Variants in CNTN6 observed in about 807,000 individuals in gnomAD.
CNTN6 encodes the protein contactin-6.
A neutral mutation model predicts 122.8 loss-of-function variants in CNTN6; 137 were observed. That is an observed-to-expected ratio of 1.12 (90% CI 0.97 to 1.29). The LOEUF (loss-of-function observed/expected upper bound fraction) is 1.29. Among genes scored for constraint, CNTN6 ranks in the 50% most tolerant of loss-of-function variants. The pLI is 0.00. For missense variants in CNTN6, 1,634 were observed against 1,223.4 expected (o/e 1.34, Z -5.01); for synonymous variants, 570 against 426.0 (o/e 1.34, Z -4.16).
intron 1 of CNTN6, among the ~76,000 whole-genome samples, chr3:1,104,732 A>T (rs1378713274): frequency 2.6e-5 from 4 of 152,076 alleles, no homozygotes; most frequent in Admixed American, 2.6e-4. Context: ...CCTTTCAGTC[A>T]TCTTGTATAT....
At position 1,297,911 on chromosome 3, in the gene CNTN6, A is replaced by G; in HGVS notation, c.681A>G (p.Pro227=). Residue 227 remains proline, a synonymous_variant, in exon 7 of 23, where the codon CCA becomes CCG. Coordinates refer to ENST00000446702, the MANE Select transcript of CNTN6 (RefSeq NM_001289080.2). ...CAGGTGTGATGGGGGAATATGAACC[A>G]AAGATTGAAGTGCGTTTTCCTGAAA... The part of the protein sequence containing the change: ...RTDGVMGEYE[P]KIEVRFPETI... The G allele has an allele frequency of 6.2e-7, 1 of 1,612,696 alleles. No individual in the cohort carries two copies.
chr3:1,282,823 A>G (rs185594198), intron 5 of CNTN6, among the ~76,000 whole-genome samples: 158 of 152,286 alleles, frequency 1.0e-3, no homozygotes, highest in African/African-American at 3.5e-3. Flanking sequence ...TTGGACACCT[A>G]TCTCAGAAGA....
chr3:1,403,843 T>C lies in CNTN6; in HGVS notation c.*425T>C, dbSNP rs1696026854. 2 of 152,432 alleles carry C rather than the reference T, an allele frequency of 1.3e-5. No individual in the cohort carries two copies. Among genetic ancestry groups the C allele is most frequent in the African/African-American group, 4.8e-5 (2 of 41,454 alleles). 9.4% of individuals were successfully genotyped at this position (152,432 alleles called of 1,614,324 possible). A position where few individuals can be genotyped will look rare whatever the true frequency, so the allele number is the denominator to read the frequency against. ...CTACTTCAAAATAAAATACAATTAT[T>C]TGTTTATAGTTGGGATTCTTTAAAA... On this transcript the variant is annotated 3_prime_UTR_variant, in exon 23 of 23. Coordinates refer to ENST00000446702, the MANE Select transcript of CNTN6 (RefSeq NM_001289080.2).
chr3:1,186,935 A>T (rs2093636263), intron 2 of CNTN6, among the ~76,000 whole-genome samples: 1 of 151,908 alleles, frequency 6.6e-6, no homozygotes, highest in South Asian at 2.1e-4. Context: ...AAGTCTTTCC[A>T]TCTATATAAA....
At chr3:1,222,125 T>G (rs1023915544) in intron 3 of CNTN6, among the ~76,000 whole-genome samples, 1 of 152,330 alleles carries the variant, frequency 6.6e-6, no homozygotes, top group South Asian at 2.1e-4. Context: ...AAAAACCATG[T>G]CTTCTCATTC....
chr3:1,383,025 G>A lies in CNTN6; in HGVS notation c.2250G>A (p.Lys750=). The change falls in exon 18 of 23, where the codon AAG becomes AAA. Residue 750 remains lysine (K), a synonymous_variant. Coordinates refer to ENST00000446702, the MANE Select transcript of CNTN6 (RefSeq NM_001289080.2). ...CAGTGGGCTCGACAACCTGGTCCAA[G>A]GAGAAAGTGTCATCTGTGGAATCAT... ...FRPVGSTTWS[K]EKVSSVESSR... is the part of the protein sequence containing the mutation. 1 of 1,614,080 alleles carries A rather than the reference G, an allele frequency of 6.2e-7. No homozygotes were observed.
At chr3:1,286,302 CCG>C (rs1367676708) in intron 5 of CNTN6, among the ~76,000 whole-genome samples, 1 of 152,118 alleles carries the variant, frequency 6.6e-6, no homozygotes, top group Non-Finnish European at 1.5e-5. Flanking sequence ...CACCCATCAA[CCG>C]GCCATCTACA....
chr3:1,157,203 TATTTATTTATTTATTTA>T (rs1314221747), intron 2 of CNTN6, among the ~76,000 whole-genome samples: 150 of 141,566 alleles, frequency 1.1e-3, no homozygotes, highest in Admixed American at 9.6e-3. Context: ...TTTATTTATT[TATTTATTTATTTATTTA>T]ATTTATTTAT....
intron 11 of CNTN6, among the ~76,000 whole-genome samples, chr3:1,338,913 G>C (rs894455111): frequency 1.3e-5 from 2 of 151,990 alleles, no homozygotes; most frequent in African/African-American, 4.8e-5. Context: ...TAATGCCAGT[G>C]AGTGTATTTA....
intron 20 of CNTN6, among the ~76,000 whole-genome samples, chr3:1,391,717 C>T (rs1232259440): frequency 2.0e-4 from 30 of 149,872 alleles, no homozygotes; most frequent in African/African-American, 5.4e-4. Context: ...TCTCAGGATA[C>T]AAAATCAATG....
At chr3:1,226,003 A>G (rs936250410) in intron 3 of CNTN6, among the ~76,000 whole-genome samples, 1 of 152,054 alleles carries the variant, frequency 6.6e-6, no homozygotes, top group Non-Finnish European at 1.5e-5. Flanking sequence ...TCCCCATGGG[A>G]TGTTTGAAGA....
rs146591035 is a variant in CNTN6 at position 1,219,926 on chromosome 3, C to T, written c.56-761C>T. 2.5e-3 allele frequency among the ~76,000 whole-genome samples: 383 copies of T among 151,500 alleles called. 8 individuals are homozygous for T. In the South Asian group the frequency reaches 0.047, roughly 19 times the overall value. On this transcript the variant is annotated intron_variant, in intron 2 of 22. Coordinates refer to ENST00000446702, the MANE Select transcript of CNTN6 (RefSeq NM_001289080.2). The stretch of plus-strand genomic sequence containing the variant: ...GCTAGGTGGGAGGTTCACCTGAGCC[C>T]AGGAGGTTGAGGCTGCAGTGAGCTG...
intron 4 of CNTN6, among the ~76,000 whole-genome samples, chr3:1,271,919 C>T (rs984009814): frequency 2.6e-5 from 4 of 152,124 alleles, no homozygotes; most frequent in African/African-American, 9.7e-5. Flanking sequence ...TGTATCCCCA[C>T]CCAAATCCCA....
intron 1 of CNTN6, among the ~76,000 whole-genome samples, chr3:1,135,057 C>T (rs1233770227): frequency 6.6e-6 from 1 of 152,090 alleles, no homozygotes; most frequent in African/African-American, 2.4e-5. Context: ...GCTCAGCAGT[C>T]ATGTATTTTG....
chr3:1,320,724 G>C (rs1435726848), intron 7 of CNTN6, among the ~76,000 whole-genome samples: 1 of 151,746 alleles, frequency 6.6e-6, no homozygotes, highest in African/African-American at 2.4e-5. Flanking sequence ...CAATTCATTA[G>C]TTTAGTAGTG....
intron 5 of CNTN6, among the ~76,000 whole-genome samples, chr3:1,280,433 A>G (rs1693168574): frequency 1.5e-5 from 2 of 135,344 alleles, no homozygotes; most frequent in East Asian, 4.2e-4. Context: ...GCTGCATGGG[A>G]GTAATGGCAA....
chr3:1,320,511 C>T (rs1437512438), intron 7 of CNTN6, among the ~76,000 whole-genome samples: 2 of 151,666 alleles, frequency 1.3e-5, no homozygotes, highest in Non-Finnish European at 2.9e-5. Flanking sequence ...TCCCACATTC[C>T]TTCTGCTGAC....
chr3:1,147,906 T>A (rs2092756441), intron 1 of CNTN6, 21 bp from the exon 2 acceptor site: 1 of 730,844 alleles, frequency 1.4e-6, no homozygotes. Flanking sequence ...TTTCATTTCA[T>A]GACAATTTTG....
At chr3:1,228,054 C>A in intron 4 of CNTN6, 61 bp downstream of exon 4, 1 of 1,479,262 alleles carries the variant, frequency 6.8e-7, no homozygotes, top group Non-Finnish European at 9.3e-7. Flanking sequence ...TTCTGATACA[C>A]ACATTTTAAA....
Sources: gnomAD v4.1 joint callset for allele counts (sites outside exome capture counted in the v4.1 genomes callset) on GRCh38, gnomAD v4.1.1 for gene constraint, MANE v1.5 for transcripts, NCBI Gene and HGNC (gene_info 2026-07-23, HGNC 2026-07-21) for gene names.